The following GXYLT2 variants were observed in gnomAD, a reference collection of about 807,000 sequenced individuals.
GXYLT2 encodes glucoside xylosyltransferase 2, also known as glycosyltransferase 8 domain containing 4.
In GXYLT2, 53 loss-of-function variants were observed where a neutral mutation model predicts 45.8. The observed-to-expected ratio is 1.16, with a 90% CI of 0.93 to 1.46. The LOEUF (loss-of-function observed/expected upper bound fraction) is 1.46. Ranked by LOEUF, GXYLT2 falls within the 40% of genes most tolerant of loss-of-function variation. GXYLT2 has a pLI of 0.00. For synonymous variants in GXYLT2, 219 were observed against 214.2 expected (o/e 1.02, Z -0.19); for missense variants, 551 against 544.4 (o/e 1.01, Z -0.12).
chr3:72,923,139 C>A (rs776727239), intron 3 of GXYLT2, among the ~76,000 whole-genome samples: 14 of 152,102 alleles, frequency 9.2e-5, no homozygotes, highest in Non-Finnish European at 2.1e-4. Flanking sequence ...TCTGTAATCC[C>A]AGCTACTCAG....
chr3:72,895,843 A>G (rs928139758), intron 1 of GXYLT2, among the ~76,000 whole-genome samples: 1 of 152,246 alleles, frequency 6.6e-6, no homozygotes, highest in Non-Finnish European at 1.5e-5. Context: ...ATATATTTCA[A>G]GTGACTTTTA....
chr3:72,906,820 C>T (rs1169568725), intron 1 of GXYLT2, among the ~76,000 whole-genome samples: 1 of 152,138 alleles, frequency 6.6e-6, no homozygotes, highest in African/African-American at 2.4e-5. Context: ...TATGAATGGC[C>T]GTCTCTCCAG....
At chr3:72,890,699 A>T (rs989864383) in intron 1 of GXYLT2, among the ~76,000 whole-genome samples, 120 of 152,336 alleles carry the variant, frequency 7.9e-4, no homozygotes, top group African/African-American at 2.8e-3. Flanking sequence ...TTTTGTGTCT[A>T]TCTGAACAAA....
Position 72,973,288 on chromosome 3 carries a change from TC to T in GXYLT2, c.1150-1686del, listed in dbSNP as rs1466417253. Among the ~76,000 whole-genome samples, 8 of 151,686 alleles carry T rather than the reference TC, an allele frequency of 5.3e-5. No individual in the cohort carries two copies. The East Asian group carries it at 1.6e-3, about 29-fold the overall frequency. ...CAGCCCAGGGGAAATCTGGGGAAAA[TC>T]CCGTGAAACAGAAGGAATGACCAGG... On this transcript the variant is annotated intron_variant, in intron 6 of 6. Coordinates refer to ENST00000389617, the MANE Select transcript of GXYLT2 (RefSeq NM_001080393.2).
rs1559747298 is a variant in GXYLT2 at position 72,953,281 on chromosome 3, ATATTAT to A, written c.601-1812_601-1807del. 2.0e-5 allele frequency among the ~76,000 whole-genome samples: 3 copies of A among 152,054 alleles called. No homozygotes were observed. In the East Asian group the frequency reaches 5.8e-4, roughly 29 times the overall value. ...ATTAGGACACACAGCCACTCTCTTA[ATATTAT>A]TATTGTCATTATTATTATTATTTTG... is the stretch of plus-strand genomic sequence containing the variant. On this transcript the variant is annotated intron_variant, in intron 3 of 6. Transcript: ENST00000389617.
intron 1 of GXYLT2, among the ~76,000 whole-genome samples, chr3:72,891,434 G>A (rs963680053): frequency 1.3e-5 from 2 of 152,128 alleles, no homozygotes; most frequent in East Asian, 1.9e-4. Context: ...GATTTGCCTC[G>A]TTAGTAGGCA....
intron 1 of GXYLT2, among the ~76,000 whole-genome samples, chr3:72,897,425 C>G (rs1674947532): frequency 6.6e-6 from 1 of 152,142 alleles, no homozygotes; most frequent in African/African-American, 2.4e-5. Flanking sequence ...GGAAAAATTC[C>G]ATCCAGCAAA....
At chr3:72,958,157 C>T (rs1248042767) in intron 5 of GXYLT2, among the ~76,000 whole-genome samples, 1 of 151,838 alleles carries the variant, frequency 6.6e-6, no homozygotes, top group Non-Finnish European at 1.5e-5. Flanking sequence ...ACCTGTAATC[C>T]CAGCTACTGG....
At chr3:72,900,866 C>T (rs931516519) in intron 1 of GXYLT2, among the ~76,000 whole-genome samples, 2 of 152,028 alleles carry the variant, frequency 1.3e-5, no homozygotes, top group African/African-American at 2.4e-5. Context: ...TAAAAGTATA[C>T]AATTCGGCCC....
At chr3:72,916,538 T>TTGTTTC (rs557393121) in intron 2 of GXYLT2, among the ~76,000 whole-genome samples, 501 of 151,702 alleles carry the variant, frequency 3.3e-3, no homozygotes, top group Admixed American at 7.1e-3. Context: ...CTGAGTTTGT[T>TTGTTTC]TGTTTTTGTT....
intron 5 of GXYLT2, among the ~76,000 whole-genome samples, chr3:72,961,708 G>A (rs866087025): frequency 1.4e-5 from 2 of 147,040 alleles, no homozygotes; most frequent in African/African-American, 2.5e-5. Context: ...GCCCAGCTGC[G>A]ACTGAATTCT....
intron 3 of GXYLT2, among the ~76,000 whole-genome samples, chr3:72,950,434 C>T (rs1220223863): frequency 6.6e-5 from 10 of 152,060 alleles, no homozygotes; most frequent in Non-Finnish European, 1.5e-5. Flanking sequence ...GCACTCCAGC[C>T]CAGGCGACAG....
rs1559748055 is a variant in GXYLT2 at position 72,955,099 on chromosome 3, T to A, written c.602T>A (p.Val201Glu). The A allele has an allele frequency of 6.2e-7, 1 of 1,613,588 alleles. No individual in the cohort carries two copies. The highest frequency in any genetic ancestry group is 1.1e-5 in the South Asian group (1 of 91,058). Residue 201 changes from valine to glutamate, a missense_variant and splice_region_variant, in exon 4 of 7, where the codon GTG (valine) becomes GAG (glutamate). Physicochemically the swap from Val to Glu is moderately radical, Grantham distance 121. Coordinates refer to ENST00000389617, the MANE Select transcript of GXYLT2 (RefSeq NM_001080393.2). ...PCAAQRLFLP[V>E]ILKDVDSLLY... ...TACACCCACTCCTTACACACAAAGG[T>A]GATTTTAAAGGATGTGGACTCACTT...
chr3:72,936,657 A>G (rs879713369), intron 3 of GXYLT2, among the ~76,000 whole-genome samples: 3 of 60,722 alleles, frequency 4.9e-5, no homozygotes, highest in Non-Finnish European at 8.8e-5. Context: ...AACAACAACA[A>G]AAAAACAACA....
At chr3:72,964,769 TTCAA>T (rs1281941498) in intron 5 of GXYLT2, among the ~76,000 whole-genome samples, 3 of 152,252 alleles carry the variant, frequency 2.0e-5, no homozygotes, top group Admixed American at 6.5e-5. Context: ...TAGTCATTGA[TTCAA>T]TCAATCAGTG....
chr3:72,898,177 A>G (rs1280537705), intron 1 of GXYLT2, among the ~76,000 whole-genome samples: 1 of 152,208 alleles, frequency 6.6e-6, no homozygotes, highest in Non-Finnish European at 1.5e-5. Flanking sequence ...ATAAATTACC[A>G]TAAAAATTAA....
chr3:72,958,097 C>A (rs1375921182), intron 5 of GXYLT2, among the ~76,000 whole-genome samples: 1 of 150,058 alleles, frequency 6.7e-6, no homozygotes, highest in Non-Finnish European at 1.5e-5. Context: ...ATGGTGAAAT[C>A]CCATCTCTAC....
chr3:72,956,456 A>G (rs1297871117), intron 4 of GXYLT2, among the ~76,000 whole-genome samples: 1 of 152,106 alleles, frequency 6.6e-6, no homozygotes. Context: ...TAAGACAAGG[A>G]AAGGTGTTTT....
intron 1 of GXYLT2, among the ~76,000 whole-genome samples, chr3:72,890,328 G>T (rs1255737110): frequency 6.6e-6 from 1 of 152,232 alleles, no homozygotes; most frequent in African/African-American, 2.4e-5. Flanking sequence ...CAACCCTACA[G>T]AATCAGAAGC....
Sources: gnomAD v4.1 joint callset for allele counts (sites outside exome capture counted in the v4.1 genomes callset) on GRCh38, gnomAD v4.1.1 for gene constraint, MANE v1.5 for transcripts, NCBI Gene and HGNC (gene_info 2026-07-23, HGNC 2026-07-21) for gene names.